Variants in HMGCS2 observed in about 807,000 individuals in gnomAD.
The protein encoded by HMGCS2 is 3-hydroxy-3-methylglutaryl-CoA synthase 2, also known as hydroxymethylglutaryl-CoA synthase, mitochondrial.
Under a neutral mutation model 57.4 loss-of-function variants are expected in HMGCS2, and 50 were observed. The ratio of observed to expected loss-of-function variants is 0.87; its 90% confidence interval spans 0.69 to 1.10. HMGCS2 has a LOEUF of 1.10. Among genes scored for constraint, HMGCS2 ranks in the 50% least tolerant of loss-of-function variants. The pLI is 0.00. For missense variants in HMGCS2, 627 were observed against 636.5 expected, an observed-to-expected ratio of 0.99 and a Z score of 0.16; for synonymous variants, 254 against 245.1, an observed-to-expected ratio of 1.04 and a Z score of -0.34.
intron 6 of HMGCS2, among the ~76,000 whole-genome samples, chr1:119,754,044 G>T (rs587596447): frequency 7.2e-6 from 1 of 139,794 alleles, no homozygotes. Flanking sequence ...GGTGCAAGCT[G>T]CCACACCCAG....
intron 4 of HMGCS2, 47 bp from the exon 5 acceptor site, chr1:119,757,485 C>A (rs750389686): frequency 6.2e-7 from 1 of 1,613,528 alleles, no homozygotes; most frequent in Non-Finnish European, 8.5e-7. Context: ...AGGGGCGAGC[C>A]ATTTAGATAT....
intron 1 of HMGCS2, among the ~76,000 whole-genome samples, chr1:119,765,051 AT>A (rs1653178500): frequency 1.3e-5 from 2 of 152,126 alleles, no homozygotes; most frequent in African/African-American, 2.4e-5. Context: ...TCATCCATTT[AT>A]ATTTGTTGTA....
At chr1:119,760,801 T>G (rs1571039004) in intron 2 of HMGCS2, among the ~76,000 whole-genome samples, 3 of 152,160 alleles carry the variant, frequency 2.0e-5, no homozygotes, top group Admixed American at 2.0e-4. Flanking sequence ...ACAGCACTGC[T>G]TTGGGAGCCA....
At chr1:119,765,984 C>G (rs1008999910) in intron 1 of HMGCS2, among the ~76,000 whole-genome samples, 3 of 152,130 alleles carry the variant, frequency 2.0e-5, no homozygotes, top group African/African-American at 7.2e-5. Flanking sequence ...GGAACACAGA[C>G]AGCAGAAAGA....
chr1:119,766,532 A>G (rs959675412), intron 1 of HMGCS2, among the ~76,000 whole-genome samples: 4 of 152,234 alleles, frequency 2.6e-5, no homozygotes, highest in African/African-American at 4.8e-5. Flanking sequence ...AGAATGATAA[A>G]TACACATTAT....
chr1:119,755,597 C>T lies in HMGCS2; in HGVS notation c.1017G>A (p.Gly339=), dbSNP rs777182302. 3.1e-6 allele frequency: 5 copies of T among 1,613,904 alleles called. No individual in the cohort carries two copies. Among genetic ancestry groups the T allele is most frequent in the African/African-American group, 2.7e-5 (2 of 74,868 alleles). Residue 339 remains glycine, a splice_region_variant and synonymous_variant, in exon 6 of 10, where the codon GGG becomes GGA. Transcript: ENST00000369406. ...TGTAGGTGTCTTCCAGCTTTAGCCC[C>T]CTGTGAGGTAGCCAGAGGTAGCCAT... The part of the protein sequence containing the change: ...TSLYKGLEAF[G]GLKLEDTYTN...
rs1302399259 is a variant in HMGCS2 at position 119,755,728 on chromosome 1, C to G, written c.1017-131G>C. On this transcript the variant is annotated intron_variant, in intron 5 of 9. Coordinates refer to ENST00000369406, the MANE Select transcript of HMGCS2 (RefSeq NM_005518.4). ...TCCTACAATATTTGGAAATACAGAA[C>G]AGTACAGAGGAGAACATACCACTAA... The G allele has an allele frequency of 2.0e-5, 17 of 852,342 alleles. No individual in the cohort carries two copies. In the Admixed American group the frequency reaches 2.9e-4, roughly 15 times the overall value. 52.8% of individuals were successfully genotyped at this position (852,342 alleles called of 1,614,324 possible).
At chr1:119,752,228 A>G (rs1364679493) in intron 8 of HMGCS2, among the ~76,000 whole-genome samples, 3 of 152,212 alleles carry the variant, frequency 2.0e-5, no homozygotes, top group Non-Finnish European at 4.4e-5. Context: ...ATCTAGCTCT[A>G]AAGTCTGTAC....
intron 2 of HMGCS2, among the ~76,000 whole-genome samples, chr1:119,763,064 G>C (rs1237677212): frequency 1.3e-5 from 2 of 152,110 alleles, no homozygotes; most frequent in African/African-American, 4.8e-5. Flanking sequence ...TTTAAGAACA[G>C]ACTTGATGAT....
At position 119,764,433 on chromosome 1, in the gene HMGCS2, C is replaced by T. The variant is rs1332784240; in HGVS notation, c.298G>A (p.Glu100Lys). ...GTCAGGCACAGGGAGTTGATGTCCT[C>T]TTGGACTGAGCAGAAGCCCATACGG... Reference protein sequence around the residue: ...QTRMGFCSVQEDINSLCLTVV... With the variant: ...QTRMGFCSVQKDINSLCLTVV... Residue 100 changes from glutamate to lysine, a missense_variant, in exon 2 of 10, where the codon GAG (glutamate) becomes AAG (lysine). Coordinates refer to ENST00000369406, the MANE Select transcript of HMGCS2 (RefSeq NM_005518.4). The T allele has an allele frequency of 6.2e-7, 1 of 1,614,172 alleles. No homozygotes were observed. The highest frequency in any genetic ancestry group is 8.5e-7 in the Non-Finnish European group (1 of 1,179,988).
Position 119,748,023 on chromosome 1 carries a change from G to C in HMGCS2, c.*824C>G, listed in dbSNP as rs1652518037. 1.3e-5 allele frequency: 2 copies of C among 152,040 alleles called. No homozygotes were observed. Among genetic ancestry groups the C allele is most frequent in the Non-Finnish European group, 2.9e-5 (2 of 67,988 alleles). 9.4% of individuals were successfully genotyped at this position (152,040 alleles called of 1,614,324 possible). A position where few individuals can be genotyped will look rare whatever the true frequency, so the allele number is the denominator to read the frequency against. ...AAAATTTATTTATTTTTTTATTTTT[G>C]GCTATAGAAGGCAAAAACTTGTTAA... is the stretch of plus-strand genomic sequence containing the variant. On this transcript the variant is annotated 3_prime_UTR_variant, in exon 10 of 10. Transcript: ENST00000369406.
In HMGCS2 at chr1:119,753,263, A is replaced by G. The variant is rs1557988769; in HGVS notation, c.1294+17T>C. 2 of 1,503,086 alleles carry G rather than the reference A, an allele frequency of 1.3e-6. No individual in the cohort carries two copies. Among genetic ancestry groups the G allele is most frequent in the South Asian group, 1.1e-5 (1 of 88,372 alleles). The allele number at this position is 1,503,086 out of a possible 1,614,324, so 93.1% of individuals were successfully genotyped here. On this transcript the variant is annotated intron_variant, in intron 7 of 9. Coordinates refer to ENST00000369406, the MANE Select transcript of HMGCS2 (RefSeq NM_005518.4). ...ATGAATCTTGTCAGGAAGGCCTACT[A>G]GAAAGATGACACTCACCTGGAGCAG...
rs146296049 is a variant in HMGCS2 at position 119,757,423 on chromosome 1, G to T, written c.866C>A (p.Pro289His). 151 of 1,614,002 alleles carry T rather than the reference G, an allele frequency of 9.4e-5. No individual in the cohort carries two copies. The African/African-American group carries it at 1.8e-3, about 19-fold the overall frequency. ...GTACTGTAAATCGTCAAGGGTGAAG[G>T]GTCGATCGCTGCCAGCTGGAAGAGG... ...NQWKQAGSDR[P>H]FTLDDLQYMI... Residue 289 changes from proline to histidine, a missense_variant, in exon 5 of 10, where the codon CCC (proline) becomes CAC (histidine). Transcript: ENST00000369406.
At chr1:119,752,185 A>G (rs765212993) in intron 8 of HMGCS2, among the ~76,000 whole-genome samples, 70 of 152,218 alleles carry the variant, frequency 4.6e-4, no homozygotes, top group Non-Finnish European at 8.5e-4. Context: ...ATAAACAGCT[A>G]GTGAGTGGCA....
Position 119,755,438 on chromosome 1 carries a change from C to A in HMGCS2, c.1176G>T (p.Ser392=). Reference sequence around the variant, plus strand: ...GATGCAGTACTCACTGGGACAGAAGCGAGGCCAGGCACCCGTACAGGGATG... The same window carrying A: ...GATGCAGTACTCACTGGGACAGAAGAGAGGCCAGGCACCCGTACAGGGATG... ...YTSSLYGCLA[S]LLSHHSAQEL... The change falls in exon 6 of 10, where the codon TCG becomes TCT. Residue 392 remains serine, a synonymous_variant. Transcript: ENST00000369406. 6.2e-7 allele frequency: 1 copy of A among 1,614,080 alleles called. No homozygotes were observed.
intron 2 of HMGCS2, among the ~76,000 whole-genome samples, chr1:119,760,614 C>T (rs1653004698): frequency 1.3e-5 from 2 of 152,176 alleles, no homozygotes; most frequent in African/African-American, 4.8e-5. Context: ...AGTAAATGAT[C>T]CGTAGTCACT....
intron 4 of HMGCS2, among the ~76,000 whole-genome samples, chr1:119,757,922 A>T (rs1652904913): frequency 6.6e-6 from 1 of 152,260 alleles, no homozygotes; most frequent in Non-Finnish European, 1.5e-5. Context: ...CACCTTACAT[A>T]TGCAAATAAG....
chr1:119,766,718 C>T (rs1055583535), intron 1 of HMGCS2, among the ~76,000 whole-genome samples: 4 of 152,142 alleles, frequency 2.6e-5, no homozygotes, highest in Non-Finnish European at 4.4e-5. Flanking sequence ...GCCTCATTCT[C>T]GCTCTGACTT....
chr1:119,759,074 C>T (rs1317571507), intron 4 of HMGCS2, 44 bp downstream of exon 4: 1 of 1,598,924 alleles, frequency 6.3e-7, no homozygotes, highest in Admixed American at 1.7e-5. Context: ...AACCCTTGGC[C>T]TATGTAAATA....
Sources: gnomAD v4.1 joint callset for allele counts (sites outside exome capture counted in the v4.1 genomes callset) on GRCh38, gnomAD v4.1.1 for gene constraint, MANE v1.5 for transcripts, NCBI Gene and HGNC (gene_info 2026-07-23, HGNC 2026-07-21) for gene names.